The following BACH2 variants were observed in gnomAD, a reference collection of about 807,000 sequenced individuals.
The protein encoded by BACH2 is BACH transcriptional regulator 2.
Under a neutral mutation model 61.8 loss-of-function variants are expected in BACH2, and 5 were observed. The ratio of observed to expected loss-of-function variants is 0.08; its 90% CI spans 0.04 to 0.17. The LOEUF is 0.17. BACH2 is among the 10% of genes least tolerant of loss of function. The probability of loss-of-function intolerance (pLI) is 1.00; values close to 1 mark genes in which losing one functional copy is unlikely to be tolerated. For missense variants in BACH2, 824 were observed against 1,091.1 expected, an observed-to-expected ratio of 0.76 and a Z score of 3.45; for synonymous variants, 446 against 440.1, an observed-to-expected ratio of 1.01 and a Z score of -0.17.
intron 5 of BACH2, among the ~76,000 whole-genome samples, chr6:90,038,858 G>A (rs1779390875): frequency 6.6e-6 from 1 of 151,672 alleles, no homozygotes. Context: ...CCGACATGGT[G>A]AAACCCTGTC....
chr6:90,028,650 A>T (rs1047518172), intron 5 of BACH2, among the ~76,000 whole-genome samples: 1 of 152,230 alleles, frequency 6.6e-6, no homozygotes, highest in Non-Finnish European at 1.5e-5. Flanking sequence ...AGGCGTAAGC[A>T]ACTTAAAACA....
chr6:90,144,814 A>T (rs60649859), intron 4 of BACH2, among the ~76,000 whole-genome samples: 19,376 of 152,160 alleles, frequency 0.13, 1,852 homozygotes, highest in African/African-American at 0.26. Flanking sequence ...TTTCAAAAGA[A>T]ACAGAAACAT....
At chr6:90,275,981 A>AAAG (rs1197955978) in intron 1 of BACH2, among the ~76,000 whole-genome samples, 1 of 150,764 alleles carries the variant, frequency 6.6e-6, no homozygotes, top group Non-Finnish European at 1.5e-5. Context: ...AAAAAAAAAA[A>AAAG]GAAAGAAATC....
intron 2 of BACH2, among the ~76,000 whole-genome samples, chr6:90,265,652 G>A (rs573323692): frequency 1.2e-4 from 19 of 152,230 alleles, no homozygotes; most frequent in Admixed American, 6.5e-4. Flanking sequence ...GTAATCAATT[G>A]GATGGCATTT....
At chr6:90,211,588 CTGTGTGTGTGTG>C (rs3072674) in intron 3 of BACH2, among the ~76,000 whole-genome samples, 9,449 of 143,970 alleles carry the variant, frequency 0.066, 383 homozygotes, top group South Asian at 0.1. Context: ...GTGTCAAGGG[CTGTGTGTGTGTG>C]TGTGTGTGTG....
chr6:90,102,826 ATAATAATAATAAT>A (rs1562445660), intron 4 of BACH2, among the ~76,000 whole-genome samples: 3 of 139,572 alleles, frequency 2.1e-5, no homozygotes, highest in African/African-American at 8.0e-5. Context: ...AATAATAATA[ATAATAATAATAAT>A]AAAAATAAAA....
At chr6:90,245,041 C>T (rs1477121549) in intron 3 of BACH2, among the ~76,000 whole-genome samples, 1 of 151,486 alleles carries the variant, frequency 6.6e-6, no homozygotes, top group Non-Finnish European at 1.5e-5. Context: ...TAAAAACACA[C>T]AAAAAATTAG....
intron 4 of BACH2, among the ~76,000 whole-genome samples, chr6:90,126,756 C>G (rs1783868668): frequency 6.6e-6 from 1 of 152,210 alleles, no homozygotes; most frequent in Non-Finnish European, 1.5e-5. Flanking sequence ...ACCATACATT[C>G]TAGAACCAAT....
chr6:90,241,436 T>C (rs1314068667), intron 3 of BACH2, among the ~76,000 whole-genome samples: 4 of 152,162 alleles, frequency 2.6e-5, no homozygotes, highest in East Asian at 1.9e-4. Context: ...ATTAGCCTGA[T>C]AGAGGATCAG....
chr6:89,971,556 C>T (rs1318707734), intron 6 of BACH2, among the ~76,000 whole-genome samples: 1 of 152,128 alleles, frequency 6.6e-6, no homozygotes, highest in African/African-American at 2.4e-5. Flanking sequence ...ACGGTTCTTA[C>T]TTACAGGGTG....
chr6:89,932,790 C>T lies in BACH2; in HGVS notation c.2144G>A (p.Arg715Gln), dbSNP rs774619807. ...NFSCLSQEVC[R>Q]DIQSPEQIQA... ...GATCTGCTCGGGGCTCTGGATGTCT[C>T]GGCAAACTTCCTGGGAAAGGCAGGA... is the stretch of plus-strand genomic sequence containing the variant. The change falls in exon 9 of 9, where the codon CGA becomes CAA. Residue 715 changes from arginine to glutamine, a missense_variant. Physicochemically the swap from Arg to Gln is conservative, Grantham distance 43. Coordinates refer to ENST00000257749, the MANE Select transcript of BACH2 (RefSeq NM_021813.4). The T allele has an allele frequency of 8.1e-6, 13 of 1,613,246 alleles. No homozygotes were observed. Among genetic ancestry groups the T allele is most frequent in the Admixed American group, 5.0e-5 (3 of 59,978 alleles).
intron 6 of BACH2, among the ~76,000 whole-genome samples, chr6:89,985,065 G>A (rs1776163295): frequency 1.3e-5 from 2 of 152,294 alleles, no homozygotes; most frequent in Admixed American, 1.3e-4. Context: ...ATAGGACTGT[G>A]AGTTACTTCC....
At chr6:90,167,260 T>C (rs966643669) in intron 4 of BACH2, among the ~76,000 whole-genome samples, 1 of 152,222 alleles carries the variant, frequency 6.6e-6, no homozygotes, top group Non-Finnish European at 1.5e-5. Flanking sequence ...AAAAAACTAG[T>C]TAGTGAACCA....
Position 90,008,875 on chromosome 6 carries a change from C to CAAAGAAAG in BACH2, c.-12-27_-12-20dup. ...TCACACCCTGAAAGAAAGAAAGAAA[C>CAAAGAAAG]AAAGAAAGAAAGAAAGAAAGGCTGA... On this transcript the variant is annotated intron_variant, in intron 5 of 8. Coordinates refer to ENST00000257749, the MANE Select transcript of BACH2 (RefSeq NM_021813.4). The surrounding 1 kb of genome is among the most constrained non-coding windows in gnomAD (Gnocchi z 4.1). The CAAAGAAAG allele has an allele frequency of 4.4e-6, 7 of 1,607,826 alleles. No homozygotes were observed. The highest frequency in any genetic ancestry group is 1.7e-4 in the Middle Eastern group (1 of 5,728).
At chr6:90,228,220 ATTC>A (rs1205618996) in intron 3 of BACH2, among the ~76,000 whole-genome samples, 2 of 152,220 alleles carry the variant, frequency 1.3e-5, no homozygotes, top group African/African-American at 4.8e-5. Flanking sequence ...GTCTGAGTCA[ATTC>A]TTCTTTACAT....
At chr6:90,258,842 A>C (rs1022669175) in intron 2 of BACH2, among the ~76,000 whole-genome samples, 2 of 151,564 alleles carry the variant, frequency 1.3e-5, no homozygotes, top group African/African-American at 4.9e-5. Context: ...CATTTTCTTC[A>C]TGTTCTTTTC....
At chr6:89,997,812 G>T (rs1029779287) in intron 6 of BACH2, among the ~76,000 whole-genome samples, 3 of 152,182 alleles carry the variant, frequency 2.0e-5, no homozygotes, top group African/African-American at 7.2e-5. Context: ...AACCTGGCTT[G>T]ATAAACCCAA....
intron 4 of BACH2, among the ~76,000 whole-genome samples, chr6:90,098,313 G>A (rs1287847717): frequency 7.0e-6 from 1 of 142,648 alleles, no homozygotes; most frequent in African/African-American, 2.6e-5. Flanking sequence ...TTGGTTTAAT[G>A]ACCTCAAATG....
intron 1 of BACH2, among the ~76,000 whole-genome samples, chr6:90,290,606 A>G (rs1217725124): frequency 6.6e-6 from 1 of 152,240 alleles, no homozygotes; most frequent in Non-Finnish European, 1.5e-5. Flanking sequence ...TGGATACTGA[A>G]ATACTAAGGA....
Sources: gnomAD v4.1 joint callset for allele counts (sites outside exome capture counted in the v4.1 genomes callset) on GRCh38, gnomAD v4.1.1 for gene constraint, Gnocchi (gnomAD v3.1) non-coding constraint, MANE v1.5 for transcripts, NCBI Gene and HGNC (gene_info 2026-07-23, HGNC 2026-07-21) for gene names.